Variants in CDK14 observed in about 807,000 individuals in gnomAD.
CDK14 encodes cyclin dependent kinase 14, also known as cyclin-dependent kinase 14.
A neutral mutation model predicts 60.7 loss-of-function variants in CDK14; 34 were observed. The ratio of observed to expected loss-of-function variants is 0.56; its 90% confidence interval spans 0.43 to 0.75. CDK14 has a LOEUF of 0.75. Ranked by LOEUF, CDK14 falls within the 30% of genes least tolerant of loss-of-function variation. CDK14 has a pLI of 0.00. For missense variants in CDK14, 482 were observed against 564.1 expected (o/e 0.85, Z 1.47); for synonymous variants, 197 against 203.7 (o/e 0.97, Z 0.28).
intron 2 of CDK14, among the ~76,000 whole-genome samples, chr7:90,615,051 T>C (rs1799621403): frequency 6.6e-6 from 1 of 152,200 alleles, no homozygotes; most frequent in African/African-American, 2.4e-5. Flanking sequence ...ATGAAATTAA[T>C]AGTTTTCCTG....
intron 14 of CDK14, among the ~76,000 whole-genome samples, chr7:91,137,618 A>G (rs1042449329): frequency 6.6e-6 from 1 of 151,120 alleles, no homozygotes; most frequent in African/African-American, 2.4e-5. Context: ...TGCACTGTGC[A>G]CACACACACG....
intron 8 of CDK14, among the ~76,000 whole-genome samples, chr7:90,927,873 T>C (rs1243809392): frequency 6.6e-6 from 1 of 152,234 alleles, no homozygotes; most frequent in Non-Finnish European, 1.5e-5. Context: ...ATTTGGTCTT[T>C]TCACATAGTC....
At chr7:90,735,649 C>G (rs903745813) in intron 3 of CDK14, among the ~76,000 whole-genome samples, 2 of 152,228 alleles carry the variant, frequency 1.3e-5, no homozygotes, top group Non-Finnish European at 2.9e-5. Flanking sequence ...CCTACTCAAG[C>G]CTCAGCAAAG....
chr7:91,084,180 A>G (rs1292988420), intron 12 of CDK14, among the ~76,000 whole-genome samples: 3 of 152,226 alleles, frequency 2.0e-5, no homozygotes, highest in Admixed American at 1.3e-4. Context: ...TATGAAGGGA[A>G]TATTATCCAT....
chr7:90,714,391 C>T (rs1270257674), intron 2 of CDK14, among the ~76,000 whole-genome samples: 1 of 152,052 alleles, frequency 6.6e-6, no homozygotes, highest in Non-Finnish European at 1.5e-5. Context: ...GTGCTCTATT[C>T]ACCTTGCATC....
intron 5 of CDK14, among the ~76,000 whole-genome samples, chr7:90,820,824 T>C (rs1211797791): frequency 6.6e-6 from 1 of 152,142 alleles, no homozygotes; most frequent in Non-Finnish European, 1.5e-5. Context: ...CAACTAAACA[T>C]GACCAAGCTG....
chr7:91,118,136 A>G lies in CDK14; in HGVS notation c.1366A>G (p.Lys456Glu). 6.2e-7 allele frequency: 1 copy of G among 1,613,626 alleles called. No homozygotes were observed. The highest frequency in any genetic ancestry group is 2.2e-5 in the East Asian group (1 of 44,852). Residue 456 changes from lysine (K) to glutamate (E), a missense_variant, in exon 14 of 15, where the codon AAA becomes GAA. Coordinates refer to ENST00000380050, the MANE Select transcript of CDK14 (RefSeq NM_001287135.2). ...EAGESMRAFG[K>E]NNSYGKSLSN... ...TGGAGAAAGCATGCGGGCCTTTGGG[A>G]AAAACAATAGTTATGGCAAAAGTCT... is the stretch of plus-strand genomic sequence containing the variant.
At chr7:91,046,608 A>G (rs1024568246) in intron 11 of CDK14, among the ~76,000 whole-genome samples, 1 of 152,156 alleles carries the variant, frequency 6.6e-6, no homozygotes, top group African/African-American at 2.4e-5. Flanking sequence ...GATTTTTATA[A>G]GAGAAGGGAA....
intron 14 of CDK14, among the ~76,000 whole-genome samples, chr7:91,153,151 A>G (rs942854211): frequency 8.5e-5 from 13 of 152,140 alleles, no homozygotes; most frequent in Non-Finnish European, 1.6e-4. Context: ...TGCATTGAAA[A>G]ACTAACAAGA....
At chr7:90,883,474 A>G (rs190459494) in intron 6 of CDK14, among the ~76,000 whole-genome samples, 104 of 152,326 alleles carry the variant, frequency 6.8e-4, no homozygotes, top group African/African-American at 2.1e-3. Context: ...AAAGCCCCGG[A>G]CCAGATGGAT....
chr7:91,059,747 T>G (rs1429130672), intron 11 of CDK14, among the ~76,000 whole-genome samples: 3 of 152,222 alleles, frequency 2.0e-5, no homozygotes, highest in African/African-American at 7.2e-5. Flanking sequence ...AGTTCTAGTT[T>G]GATTGCACTG....
intron 1 of CDK14, among the ~76,000 whole-genome samples, chr7:90,598,690 C>G (rs962150726): frequency 8.0e-6 from 1 of 125,390 alleles, no homozygotes; most frequent in African/African-American, 2.9e-5. Context: ...TGAACTCATT[C>G]TGATTATCTA....
intron 14 of CDK14, among the ~76,000 whole-genome samples, chr7:91,178,606 A>G (rs1478538240): frequency 6.6e-6 from 1 of 152,284 alleles, no homozygotes; most frequent in East Asian, 1.9e-4. Context: ...AACTCAAACA[A>G]ATTTACAGGA....
intron 4 of CDK14, among the ~76,000 whole-genome samples, chr7:90,760,098 T>A (rs1804256224): frequency 6.6e-6 from 1 of 152,230 alleles, no homozygotes; most frequent in South Asian, 2.1e-4. Context: ...TTGTGCAGAA[T>A]AATTGAACTT....
At chr7:90,845,979 C>G (rs191897438) in intron 5 of CDK14, among the ~76,000 whole-genome samples, 4 of 152,216 alleles carry the variant, frequency 2.6e-5, no homozygotes, top group Admixed American at 2.6e-4. Flanking sequence ...AGAGGCCCAC[C>G]TTTTATTTAA....
chr7:90,831,629 A>C (rs1202344614), intron 5 of CDK14, among the ~76,000 whole-genome samples: 1 of 151,812 alleles, frequency 6.6e-6, no homozygotes, highest in East Asian at 1.9e-4. Context: ...ACAGCTTATC[A>C]CCACTTCCTT....
At position 90,968,937 on chromosome 7, in the gene CDK14, G is replaced by A. The variant is rs1329106459; in HGVS notation, c.947+13120G>A. Among the ~76,000 whole-genome samples, 4 of 151,992 alleles carry A rather than the reference G, an allele frequency of 2.6e-5. No homozygotes were observed. In the South Asian group the frequency reaches 6.2e-4, roughly 24 times the overall value. The stretch of plus-strand genomic sequence containing the variant: ...ATTCAGCAAAACATTACAGAATGTC[G>A]AGAGGTGCAAGGTGAGAAGGACCTG... On this transcript the variant is annotated intron_variant, in intron 9 of 14. Transcript: ENST00000380050.
intron 2 of CDK14, among the ~76,000 whole-genome samples, chr7:90,605,207 G>A (rs1006275764): frequency 6.6e-6 from 1 of 152,230 alleles, no homozygotes; most frequent in African/African-American, 2.4e-5. Flanking sequence ...GTGGCTGGCT[G>A]TGGTGCATGG....
chr7:90,817,306 T>C (rs1199409634), intron 5 of CDK14, among the ~76,000 whole-genome samples: 1 of 152,200 alleles, frequency 6.6e-6, no homozygotes, highest in Non-Finnish European at 1.5e-5. Context: ...TCCTTGAGTA[T>C]ACCCGTAAGA....
Sources: gnomAD v4.1 joint callset for allele counts (sites outside exome capture counted in the v4.1 genomes callset) on GRCh38, gnomAD v4.1.1 for gene constraint, MANE v1.5 for transcripts, NCBI Gene and HGNC (gene_info 2026-07-23, HGNC 2026-07-21) for gene names.